COL17A1: variants seen among roughly 807,000 people sequenced by gnomAD.
COL17A1 encodes the protein collagen alpha-1(XVII) chain.
In COL17A1, 181 loss-of-function variants were observed where a neutral mutation model predicts 218.4. The observed-to-expected ratio is 0.83, with a 90% CI of 0.73 to 0.94. The LOEUF (loss-of-function observed/expected upper bound fraction) is 0.94. Among genes scored for constraint, COL17A1 ranks in the 40% least tolerant of loss-of-function variants. COL17A1 has a pLI of 0.00. For synonymous variants in COL17A1, 721 were observed against 731.0 expected (o/e 0.99, Z 0.22); for missense variants, 1,924 against 1,945.9 (o/e 0.99, Z 0.21).
rs1235519648 is a variant in COL17A1, at chr10:104,064,655, G to A, written c.608-59C>T. 11 of 1,480,674 alleles carry A rather than the reference G, an allele frequency of 7.4e-6. No homozygotes were observed. The Admixed American group carries it at 1.7e-4, about 22-fold the overall frequency. 91.7% of individuals were successfully genotyped at this position (1,480,674 alleles called of 1,614,324 possible). ...AGACAAATCAACACTCCCTGCTGGGGAATCTAGTCACCTCATTTTGCTGGG... is the reference window on the plus strand; with the variant it reads ...AGACAAATCAACACTCCCTGCTGGGAAATCTAGTCACCTCATTTTGCTGGG... On this transcript the variant is annotated intron_variant, in intron 9 of 55. Coordinates refer to ENST00000648076, the MANE Select transcript of COL17A1 (RefSeq NM_000494.4).
intron 35 of COL17A1, 150 bp downstream of exon 35, chr10:104,043,351 G>T: frequency 1.3e-6 from 1 of 743,384 alleles, no homozygotes; most frequent in Non-Finnish European, 2.4e-6. Flanking sequence ...GTCTGAGAAT[G>T]CAAGAGTTTG....
At chr10:104,049,697 C>T (rs1337713248) in intron 28 of COL17A1, among the ~76,000 whole-genome samples, 3 of 152,164 alleles carry the variant, frequency 2.0e-5, no homozygotes, top group Non-Finnish European at 4.4e-5. Context: ...AACTGAAAAC[C>T]ACCCCTTGAG....
intron 4 of COL17A1, 151 bp downstream of exon 4, chr10:104,077,271 G>A: frequency 1.4e-6 from 1 of 718,344 alleles, no homozygotes. Flanking sequence ...AACTCTCAGG[G>A]GGATTTGGAA....
chr10:104,039,045 G>A (rs2086331076), intron 44 of COL17A1, 26 bp downstream of exon 44: 1 of 1,611,558 alleles, frequency 6.2e-7, no homozygotes, highest in African/African-American at 1.3e-5. Flanking sequence ...AAGTGGAGAG[G>A]AACTTTGGTC....
rs756738076 is a variant in COL17A1 at position 104,064,523 on chromosome 10, C to G, written c.681G>C (p.Ala227=). Residue 227 remains alanine (A), a synonymous_variant, in exon 10 of 56, where the codon GCG becomes GCC. Transcript: ENST00000648076. ...PSHVWSSTLP[A]GSSMGTYHNN... ...TGTGATAGGTCCCCATGGAGGACCCCGCGGGCAGGGTGGAGGACCACACAT... is the reference window on the plus strand; with the variant it reads ...TGTGATAGGTCCCCATGGAGGACCCGGCGGGCAGGGTGGAGGACCACACAT... 4 of 1,613,942 alleles carry G rather than the reference C, an allele frequency of 2.5e-6. No individual in the cohort carries two copies. The highest frequency in any genetic ancestry group is 2.5e-6 in the Non-Finnish European group (3 of 1,180,000).
intron 17 of COL17A1, among the ~76,000 whole-genome samples, chr10:104,056,393 T>C (rs957606352): frequency 6.6e-6 from 1 of 152,058 alleles, no homozygotes; most frequent in East Asian, 1.9e-4. Flanking sequence ...CCATCCTGGC[T>C]AACACAGTGA....
chr10:104,061,518 TGA>T, intron 12 of COL17A1, 45 bp from the exon 13 acceptor site: 16 of 1,583,246 alleles, frequency 1.0e-5, no homozygotes, highest in Non-Finnish European at 1.4e-5. Flanking sequence ...TGGTTCCAGG[TGA>T]CTCAGGAGAA....
chr10:104,049,473 T>C lies in COL17A1; in HGVS notation c.2165-2A>G, dbSNP rs1215427707. ...GCAAACCTCTCATGCCAGGCTCGCCTGCAAAGGACAAAGAACTAGCTGGTT... is the reference window on the plus strand; with the variant it reads ...GCAAACCTCTCATGCCAGGCTCGCCCGCAAAGGACAAAGAACTAGCTGGTT... On this transcript the variant is annotated splice_acceptor_variant, in intron 28 of 55. Coordinates refer to ENST00000648076, the MANE Select transcript of COL17A1 (RefSeq NM_000494.4). LOFTEE classifies it high-confidence loss of function. 1.2e-6 allele frequency: 2 copies of C among 1,614,068 alleles called. No individual in the cohort carries two copies. The highest frequency in any genetic ancestry group is 4.5e-5 in the East Asian group (2 of 44,898).
intron 48 of COL17A1, among the ~76,000 whole-genome samples, chr10:104,036,197 T>TATGGGA (rs2086296283): frequency 1.7e-5 from 2 of 120,792 alleles, no homozygotes; most frequent in Non-Finnish European, 1.7e-5. Flanking sequence ...AGTGTGTGTG[T>TATGGGA]GTATGGGAGT....
At chr10:104,071,906 T>TTGCATGCATGTACATACATGTGTG (rs571706258) in intron 8 of COL17A1, 126 bp downstream of exon 8, 30 of 1,453,964 alleles carry the variant, frequency 2.1e-5, no homozygotes, top group African/African-American at 1.7e-4. Context: ...TGTTTTATGA[T>TTGCATGCATGTACATACATGTGTG]TGCATGCATG....
chr10:104,036,198 G>C (rs1158683540), intron 48 of COL17A1, among the ~76,000 whole-genome samples: 20 of 146,848 alleles, frequency 1.4e-4, no homozygotes, highest in African/African-American at 2.8e-4. Flanking sequence ...GTGTGTGTGT[G>C]TATGGGAGTG....
intron 28 of COL17A1, among the ~76,000 whole-genome samples, chr10:104,049,878 A>C (rs1589564722): frequency 6.6e-6 from 1 of 152,112 alleles, no homozygotes; most frequent in South Asian, 2.1e-4. Context: ...TTTTTGCTCC[A>C]AACATTTACT....
chr10:104,056,925 G>A lies in COL17A1; in HGVS notation c.1465+50C>T, dbSNP rs766452359. On this transcript the variant is annotated intron_variant, in intron 17 of 55. Transcript: ENST00000648076. ...TCCTGCCCTTCTGACAGGCAGTGGG[G>A]CTGGCCTGCCTCCTACCACACAGGC... The A allele has an allele frequency of 2.4e-5, 37 of 1,549,526 alleles. No homozygotes were observed. The African/African-American group carries it at 4.2e-4, about 18-fold the overall frequency.
At chr10:104,068,838 A>T (rs1165328113) in intron 9 of COL17A1, among the ~76,000 whole-genome samples, 1 of 152,218 alleles carries the variant, frequency 6.6e-6, no homozygotes, top group African/African-American at 2.4e-5. Flanking sequence ...GGTGATATTA[A>T]AACCCAAATT....
chr10:104,045,602 A>G (rs1383832687), intron 33 of COL17A1, among the ~76,000 whole-genome samples, 156 bp downstream of exon 33: 1 of 152,108 alleles, frequency 6.6e-6, no homozygotes, highest in Non-Finnish European at 1.5e-5. Flanking sequence ...TGGTTCACAA[A>G]TCCCTGGGCT....
rs1053885402 is a variant in COL17A1 at position 104,035,330 on chromosome 10, A to G, written c.3552T>C (p.Gly1184=). The part of the protein sequence containing the change: ...RGIVGPPGPP[G]PPGIPGNVWS... ...ACACATTGCCTGGGATCCCTGGTGG[A>G]CCCGGGGGACCTGGGGGTCCAACGA... is the stretch of plus-strand genomic sequence containing the variant. Residue 1184 remains glycine, a synonymous_variant, in exon 50 of 56, where the codon GGT becomes GGC. Coordinates refer to ENST00000648076, the MANE Select transcript of COL17A1 (RefSeq NM_000494.4). 4.3e-6 allele frequency: 7 copies of G among 1,614,012 alleles called. No individual in the cohort carries two copies. Among genetic ancestry groups the G allele is most frequent in the Middle Eastern group, 3.3e-4 (2 of 6,084 alleles).
At position 104,062,293 on chromosome 10, in the gene COL17A1, G is replaced by C; in HGVS notation, c.875C>G (p.Thr292Ser). ...GMQNNLAPSLTTLSHGTTTTS... is the reference protein window; with the variant it reads ...GMQNNLAPSLSTLSHGTTTTS... The stretch of plus-strand genomic sequence containing the variant: ...GGTGGTGGTGCCATGGGACAGGGTG[G>C]TCAAGCTGGGGGCCAGATTGTTCTG... The change falls in exon 12 of 56, where the codon ACC (threonine) becomes AGC (serine). Residue 292 changes from threonine (T) to serine (S), a missense_variant. Transcript: ENST00000648076. The C allele has an allele frequency of 6.2e-7, 1 of 1,614,182 alleles. No homozygotes were observed. The highest frequency in any genetic ancestry group is 8.5e-7 in the Non-Finnish European group (1 of 1,180,030).
chr10:104,044,263 T>G (rs1325021480), intron 33 of COL17A1, among the ~76,000 whole-genome samples: 1 of 152,174 alleles, frequency 6.6e-6, no homozygotes. Flanking sequence ...GCGGGATTCC[T>G]AGAGTGCTCT....
chr10:104,046,840 C>T (rs946388749), intron 31 of COL17A1, 67 bp from the exon 32 acceptor site: 1 of 1,487,420 alleles, frequency 6.7e-7, no homozygotes, highest in Non-Finnish European at 9.3e-7. Context: ...GCCACACCCA[C>T]ACCTGCAGAA....
Sources: gnomAD v4.1 joint callset for allele counts (sites outside exome capture counted in the v4.1 genomes callset) on GRCh38, gnomAD v4.1.1 for gene constraint, MANE v1.5 for transcripts, NCBI Gene and HGNC (gene_info 2026-07-23, HGNC 2026-07-21) for gene names.